Variants in CLRN1 observed in about 807,000 individuals in gnomAD.
CLRN1 encodes clarin-1.
In CLRN1, 15 loss-of-function variants were observed where a neutral mutation model predicts 18.7. The observed-to-expected ratio is 0.80, with a 90% CI of 0.54 to 1.23. The LOEUF (loss-of-function observed/expected upper bound fraction) is 1.23. Among genes scored for constraint, CLRN1 ranks in the 50% most tolerant of loss-of-function variants. CLRN1 has a pLI of 0.00. For synonymous variants in CLRN1, 104 were observed against 102.9 expected, an observed-to-expected ratio of 1.01 and a Z score of -0.07; for missense variants, 311 against 277.5, an observed-to-expected ratio of 1.12 and a Z score of -0.86.
In CLRN1 at chr3:150,941,577, C is replaced by G; in HGVS notation, c.433+5G>C. On this transcript the variant is annotated splice_donor_5th_base_variant and intron_variant, in intron 2 of 2. Transcript: ENST00000327047. ...TTGTCTTCAGAGGTAGAATTTTGTACTTACCTGAAATGAAGCTCAAAAGGT... is the reference window on the plus strand; with the variant it reads ...TTGTCTTCAGAGGTAGAATTTTGTAGTTACCTGAAATGAAGCTCAAAAGGT... The G allele has an allele frequency of 6.2e-7, 1 of 1,613,870 alleles. No homozygotes were observed. Among genetic ancestry groups the G allele is most frequent in the Non-Finnish European group, 8.5e-7 (1 of 1,179,826 alleles).
intron 1 of CLRN1, among the ~76,000 whole-genome samples, chr3:150,953,044 T>C (rs1714569786): frequency 6.6e-6 from 1 of 152,176 alleles, no homozygotes; most frequent in African/African-American, 2.4e-5. Context: ...GACTTTTCCT[T>C]GGTTGAAGCT....
At position 150,935,131 on chromosome 3, in the gene CLRN1, T is replaced by TTTTA. The variant is rs1559979664; in HGVS notation, c.433+6450_433+6451insTAAA. Among the ~76,000 whole-genome samples, 57 of 71,482 alleles carry TTTTA rather than the reference T, an allele frequency of 8.0e-4. 1 individual carries two copies. In the South Asian group the frequency reaches 0.032, roughly 40 times the overall value. 46.9% of individuals were successfully genotyped at this position (71,482 alleles called of 152,430 possible). On this transcript the variant is annotated intron_variant, in intron 2 of 2. Coordinates refer to ENST00000327047, the MANE Select transcript of CLRN1 (RefSeq NM_174878.3). ...AATTGGTCCTACATCAATTTTTGTT[T>TTTTA]TTTTATTTTATTTTATTTTATTATT...
intron 1 of CLRN1, among the ~76,000 whole-genome samples, chr3:150,962,490 C>T (rs753680912): frequency 6.6e-6 from 1 of 152,004 alleles, no homozygotes. Flanking sequence ...TTAATTGATG[C>T]TACAATTCTA....
rs1713446606 is a variant in CLRN1, at chr3:150,935,779, T to C, written c.433+5803A>G. ...CCCACCAACAGTGTAAAAGTGTTCC[T>C]ATTTCTCCAGATCCTCTCCAGCACC... On this transcript the variant is annotated intron_variant, in intron 2 of 2. Coordinates refer to ENST00000327047, the MANE Select transcript of CLRN1 (RefSeq NM_174878.3). Among the ~76,000 whole-genome samples the C allele has an allele frequency of 1.4e-5, 2 of 147,334 alleles. 1 individual carries two copies. Among genetic ancestry groups the C allele is most frequent in the Middle Eastern group, 6.9e-3 (2 of 290 alleles).
intron 1 of CLRN1, among the ~76,000 whole-genome samples, chr3:150,953,030 A>G (rs941922953): frequency 6.6e-6 from 1 of 152,116 alleles, no homozygotes; most frequent in African/African-American, 2.4e-5. Flanking sequence ...ACCAACACTA[A>G]TTTGACTTTT....
intron 2 of CLRN1, among the ~76,000 whole-genome samples, chr3:150,929,289 T>C (rs1280934146): frequency 1.3e-5 from 2 of 152,146 alleles, no homozygotes; most frequent in African/African-American, 4.8e-5. Flanking sequence ...CCCCCGAAGA[T>C]GGACACTGGG....
intron 1 of CLRN1, among the ~76,000 whole-genome samples, chr3:150,967,849 A>G (rs1011523337): frequency 6.6e-6 from 1 of 152,156 alleles, no homozygotes; most frequent in East Asian, 1.9e-4. Flanking sequence ...ATTTCATCCC[A>G]ACATGTGTTT....
At chr3:150,931,845 T>G (rs1713171997) in intron 2 of CLRN1, among the ~76,000 whole-genome samples, 1 of 152,152 alleles carries the variant, frequency 6.6e-6, no homozygotes, top group South Asian at 2.1e-4. Context: ...TGTCTGTCTA[T>G]CTGACCAACA....
intron 1 of CLRN1, chr3:150,943,881 G>A (rs1714006351): frequency 6.2e-7 from 1 of 1,614,152 alleles, no homozygotes; most frequent in Non-Finnish European, 8.5e-7. Context: ...CAGCCAGCTG[G>A]TTCCTGCACT....
intron 1 of CLRN1, among the ~76,000 whole-genome samples, chr3:150,955,349 C>A (rs999796941): frequency 6.6e-6 from 1 of 152,104 alleles, no homozygotes; most frequent in Non-Finnish European, 1.5e-5. Context: ...AGTCAAAATG[C>A]ATAGACCTCT....
At chr3:150,957,240 C>T (rs1182906473) in intron 1 of CLRN1, among the ~76,000 whole-genome samples, 2 of 56,288 alleles carry the variant, frequency 3.6e-5, no homozygotes, top group African/African-American at 1.2e-4. Flanking sequence ...CCATTTTATA[C>T]ACACACACAC....
At position 150,929,990 on chromosome 3, in the gene CLRN1, T is replaced by C. The variant is rs552440208; in HGVS notation, c.434-1789A>G. 1.6e-3 allele frequency among the ~76,000 whole-genome samples: 237 copies of C among 152,366 alleles called. 1 individual carries two copies. Among genetic ancestry groups the C allele is most frequent in the African/African-American group, 5.1e-3 (211 of 41,590 alleles). On this transcript the variant is annotated intron_variant, in intron 2 of 2. Transcript: ENST00000327047. ...ATGGCTTGAGTTTCTATTCATTAAT[T>C]CACTCATTCATTTATTCTCTAGACT...
chr3:150,966,565 G>T (rs1715271164), intron 1 of CLRN1, among the ~76,000 whole-genome samples: 2 of 152,244 alleles, frequency 1.3e-5, no homozygotes, highest in South Asian at 4.2e-4. Flanking sequence ...ATTTGTGGCT[G>T]CCCCTACTTT....
At chr3:150,968,169 T>C (rs1329501911) in intron 1 of CLRN1, among the ~76,000 whole-genome samples, 1 of 152,228 alleles carries the variant, frequency 6.6e-6, no homozygotes, top group Non-Finnish European at 1.5e-5. Context: ...TAGGAATGAT[T>C]GATACCATAT....
At chr3:150,939,940 C>T (rs1029107415) in intron 2 of CLRN1, among the ~76,000 whole-genome samples, 2 of 152,164 alleles carry the variant, frequency 1.3e-5, no homozygotes, top group Non-Finnish European at 2.9e-5. Flanking sequence ...TATGATATTC[C>T]ATCCCTCTCC....
intron 1 of CLRN1, among the ~76,000 whole-genome samples, chr3:150,948,793 G>A (rs980450282): frequency 6.6e-6 from 1 of 152,086 alleles, no homozygotes; most frequent in Non-Finnish European, 1.5e-5. Context: ...AGAAGAGCTG[G>A]TACCATTCCT....
At chr3:150,953,902 A>G (rs1002252600) in intron 1 of CLRN1, among the ~76,000 whole-genome samples, 1 of 152,232 alleles carries the variant, frequency 6.6e-6, no homozygotes, top group African/African-American at 2.4e-5. Context: ...TAATGTATAG[A>G]TTTCAAAAGA....
chr3:150,971,938 G>A (rs967472773), intron 1 of CLRN1, among the ~76,000 whole-genome samples: 10 of 152,108 alleles, frequency 6.6e-5, no homozygotes, highest in Non-Finnish European at 2.9e-5. Flanking sequence ...AATTTCTATA[G>A]CCAAATGATT....
rs1712806032 is a variant in CLRN1, at chr3:150,926,614, A to G, written c.*1322T>C. Reference sequence around the variant, plus strand: ...TCTGATGTCTGCTGGCGAATAGCGAATTGACACCAGAGCAAGTTATTTCTC... The same window carrying G: ...TCTGATGTCTGCTGGCGAATAGCGAGTTGACACCAGAGCAAGTTATTTCTC... On this transcript the variant is annotated 3_prime_UTR_variant, in exon 3 of 3. Transcript: ENST00000327047. The G allele has an allele frequency of 1.4e-6, 1 of 716,132 alleles. No individual in the cohort carries two copies. Among genetic ancestry groups the G allele is most frequent in the Non-Finnish European group, 2.5e-6 (1 of 402,656 alleles). The allele number at this position is 716,132 out of a possible 1,614,324, so 44.4% of individuals were successfully genotyped here.
Sources: allele counts gnomAD v4.1 joint callset (sites outside exome capture counted in the v4.1 genomes callset), GRCh38; gene constraint gnomAD v4.1.1; transcripts MANE v1.5; gene names NCBI Gene and HGNC (gene_info 2026-07-23, HGNC 2026-07-21).